Variants in SLC10A4 observed in about 807,000 individuals in gnomAD.
SLC10A4 encodes putative sodium/bile acid cotransporter 4.
A neutral mutation model predicts 22.5 loss-of-function variants in SLC10A4; 17 were observed. The ratio of observed to expected loss-of-function variants is 0.76; its 90% CI spans 0.52 to 1.14. SLC10A4 has a LOEUF of 1.14. SLC10A4 is among the 50% of genes most tolerant of loss of function. The pLI is 0.00. For missense variants in SLC10A4, 548 were observed against 584.0 expected, an observed-to-expected ratio of 0.94 and a Z score of 0.64; for synonymous variants, 257 against 258.2, an observed-to-expected ratio of 1.00 and a Z score of 0.04.
Position 48,483,378 on chromosome 4 carries a change from C to T in SLC10A4, c.-184C>T, listed in dbSNP as rs865986173. On this transcript the variant is annotated 5_prime_UTR_variant, in exon 1 of 3. Coordinates refer to ENST00000273861, the MANE Select transcript of SLC10A4 (RefSeq NM_152679.4). The surrounding 1 kb of genome is among the most constrained non-coding windows in gnomAD (Gnocchi z 5.4). ...CCGCGCTGCGCGGAGTGCCAGGCTG[C>T]GGGCGGCTGCAGACCTGGGAGCGGA... 2 of 336,642 alleles carry T rather than the reference C, an allele frequency of 5.9e-6. No homozygotes were observed. Among genetic ancestry groups the T allele is most frequent in the Middle Eastern group, 8.4e-4 (1 of 1,192 alleles). The allele number at this position is 336,642 out of a possible 1,614,324, so 20.9% of individuals were successfully genotyped here.
chr4:48,484,341 G>A lies in SLC10A4; in HGVS notation c.590+190G>A, dbSNP rs545867646. On this transcript the variant is annotated intron_variant, in intron 1 of 2. Transcript: ENST00000273861. ...GCCGACCTGCAGGTTGTGCTGCTAGGGGAGCAAGCTAGACGGCGAGGGAGC... is the reference window on the plus strand; with the variant it reads ...GCCGACCTGCAGGTTGTGCTGCTAGAGGAGCAAGCTAGACGGCGAGGGAGC... Among the ~76,000 whole-genome samples, 6 of 152,356 alleles carry A rather than the reference G, an allele frequency of 3.9e-5. No individual in the cohort carries two copies. In the South Asian group the frequency reaches 1.2e-3, roughly 32 times the overall value.
Position 48,488,650 on chromosome 4 carries a change from A to G in SLC10A4, c.1025A>G (p.Gln342Arg), listed in dbSNP as rs1335679436. ...VCLETGSQNVQLCTAILKLAF... is the reference protein window; with the variant it reads ...VCLETGSQNVRLCTAILKLAF... ...CTGGAAACAGGTAGTCAGAATGTGC[A>G]GCTCTGTACAGCCATTCTAAAACTG... The change falls in exon 3 of 3, where the codon CAG (glutamine) becomes CGG (arginine). Residue 342 changes from glutamine (Q) to arginine (R), a missense_variant. By Grantham distance (43) the Gln-to-Arg change is conservative (BLOSUM62 1). Transcript: ENST00000273861. The G allele has an allele frequency of 6.2e-7, 1 of 1,614,016 alleles. No homozygotes were observed. Among genetic ancestry groups the G allele is most frequent in the Non-Finnish European group, 8.5e-7 (1 of 1,180,034 alleles).
intron 2 of SLC10A4, among the ~76,000 whole-genome samples, chr4:48,486,078 C>T (rs1718276708): frequency 6.6e-6 from 1 of 152,054 alleles, no homozygotes; most frequent in Admixed American, 6.5e-5. Context: ...AGGCAAATTC[C>T]TTTAGACAAA....
At position 48,483,999 on chromosome 4, in the gene SLC10A4, G is replaced by C. The variant is rs943573839; in HGVS notation, c.438G>C (p.Gln146His). ...GCGCGCTGCTGGCAGCGCTCTGCCA[G>C]TTCGGCCTCCTGCCGCTGCTGGCCT... ...PVGALLAALC[Q>H]FGLLPLLAFL... The change falls in exon 1 of 3, where the codon CAG (glutamine) becomes CAC (histidine). Residue 146 changes from glutamine (Q) to histidine (H), a missense_variant. This residue lies in a region of SLC10A4 where 314 missense variants were observed against 353.2 expected (regional missense o/e 0.89). Transcript: ENST00000273861. This position sits in a 1 kb window ranked among gnomAD's most constrained non-coding sequence, Gnocchi z 5.4. 6.3e-7 allele frequency: 1 copy of C among 1,577,674 alleles called. No individual in the cohort carries two copies. The highest frequency in any genetic ancestry group is 8.6e-7 in the Non-Finnish European group (1 of 1,165,412).
chr4:48,485,050 G>A lies in SLC10A4; in HGVS notation c.709G>A (p.Val237Met), dbSNP rs1015116918. ...CGTGCAGTTACTACCCCTAGGGACC[G>A]TGACCCTGACTCTCTGCAGCACTCT... ...PIVQLLPLGT[V>M]TLTLCSTLIP... Residue 237 changes from valine (V) to methionine (M), a missense_variant, in exon 2 of 3, where the codon GTG (valine) becomes ATG (methionine). By Grantham distance (21) the Val-to-Met change is conservative. Around this residue, in one of 3 missense-constraint regions of SLC10A4, gnomAD observed 314 missense variants for 353.2 expected, o/e 0.89. Transcript: ENST00000273861. 1.7e-5 allele frequency: 28 copies of A among 1,614,068 alleles called. No homozygotes were observed. The highest frequency in any genetic ancestry group is 2.3e-5 in the Non-Finnish European group (27 of 1,180,008).
rs199931016 is a variant in SLC10A4 at position 48,488,561 on chromosome 4, C to T, written c.936C>T (p.Tyr312=). ...VIAIFMPLAG[Y]ASGYGLATLF... ...CAATTTTTATGCCTTTGGCAGGCTA[C>T]GCTTCAGGTTATGGTTTAGCTACTC... Residue 312 remains tyrosine, a synonymous_variant, in exon 3 of 3, where the codon TAC becomes TAT. Transcript: ENST00000273861. 64 of 1,613,776 alleles carry T rather than the reference C, an allele frequency of 4.0e-5. No individual in the cohort carries two copies. Among genetic ancestry groups the T allele is most frequent in the East Asian group, 4.5e-5 (2 of 44,882 alleles).
chr4:48,487,516 G>T (rs932741400), intron 2 of SLC10A4, among the ~76,000 whole-genome samples: 2 of 152,172 alleles, frequency 1.3e-5, no homozygotes, highest in African/African-American at 4.8e-5. Context: ...TCAGTTCAGG[G>T]AAAGTAAACA....
At position 48,488,658 on chromosome 4, in the gene SLC10A4, A is replaced by T; in HGVS notation, c.1033A>T (p.Thr345Ser). The T allele has an allele frequency of 6.2e-7, 1 of 1,614,116 alleles. No homozygotes were observed. The highest frequency in any genetic ancestry group is 8.5e-7 in the Non-Finnish European group (1 of 1,180,028). ...AGGTAGTCAGAATGTGCAGCTCTGTACAGCCATTCTAAAACTGGCCTTTCC... is the reference window on the plus strand; with the variant it reads ...AGGTAGTCAGAATGTGCAGCTCTGTTCAGCCATTCTAAAACTGGCCTTTCC... Reference protein sequence around the residue: ...ETGSQNVQLCTAILKLAFPPQ... With the variant: ...ETGSQNVQLCSAILKLAFPPQ... The change falls in exon 3 of 3, where the codon ACA becomes TCA. Residue 345 changes from threonine to serine, a missense_variant. Physicochemically the swap from Thr to Ser is moderately conservative, Grantham distance 58 (BLOSUM62 1). Transcript: ENST00000273861.
Position 48,483,590 on chromosome 4 carries a change from T to C in SLC10A4, c.29T>C (p.Leu10Pro), listed in dbSNP as rs1321836765. The change falls in exon 1 of 3, where the codon CTC (leucine) becomes CCC (proline). Residue 10 changes from leucine to proline, a missense_variant. This residue lies in a region of SLC10A4 where 225 missense variants were observed against 206.9 expected (regional missense o/e 1.09). Coordinates refer to ENST00000273861, the MANE Select transcript of SLC10A4 (RefSeq NM_152679.4). The surrounding 1 kb of genome is among the most constrained non-coding windows in gnomAD (Gnocchi z 5.4). ...GACGGCAACGACAACGTGACCCTGCTCTTCGCCCCTCTGCTGCGGGACAAC... is the reference window on the plus strand; with the variant it reads ...GACGGCAACGACAACGTGACCCTGCCCTTCGCCCCTCTGCTGCGGGACAAC... MDGNDNVTL[L>P]FAPLLRDNYT... is the part of the protein sequence containing the mutation. The C allele has an allele frequency of 6.6e-7, 1 of 1,505,176 alleles. No homozygotes were observed. Among genetic ancestry groups the C allele is most frequent in the Non-Finnish European group, 8.8e-7 (1 of 1,130,900 alleles). 93.2% of individuals were successfully genotyped at this position (1,505,176 alleles called of 1,614,324 possible).
rs1718253099 is a variant in SLC10A4 at position 48,484,918 on chromosome 4, TC to T, written c.591-11del. 6.2e-7 allele frequency: 1 copy of T among 1,608,302 alleles called. No individual in the cohort carries two copies. The highest frequency in any genetic ancestry group is 2.2e-5 in the East Asian group (1 of 44,780). ...AAAGCTCGTTCTGATTTCTGCACAT[TC>T]CCTTTTCTGCAGCATCATCATGACC... On this transcript the variant is annotated splice_polypyrimidine_tract_variant and intron_variant, in intron 1 of 2. Transcript: ENST00000273861.
chr4:48,489,055 A>G lies in SLC10A4; in HGVS notation c.*116A>G. The G allele has an allele frequency of 1.6e-6, 2 of 1,216,988 alleles. No individual in the cohort carries two copies. The highest frequency in any genetic ancestry group is 2.3e-6 in the Non-Finnish European group (2 of 878,310). The allele number at this position is 1,216,988 out of a possible 1,614,324, so 75.4% of individuals were successfully genotyped here. A position where few individuals can be genotyped will look rare whatever the true frequency, so the allele number is the denominator to read the frequency against. Reference sequence around the variant, plus strand: ...CACTGGTTCACATCATACATGTAACAATTCTGATCTTTTTAAGGTTCACTG... The same window carrying G: ...CACTGGTTCACATCATACATGTAACGATTCTGATCTTTTTAAGGTTCACTG... On this transcript the variant is annotated 3_prime_UTR_variant, in exon 3 of 3. Coordinates refer to ENST00000273861, the MANE Select transcript of SLC10A4 (RefSeq NM_152679.4).
In SLC10A4 at chr4:48,483,830, C is replaced by T. The variant is rs761727427; in HGVS notation, c.269C>T (p.Ala90Val). 7.2e-6 allele frequency: 11 copies of T among 1,533,722 alleles called. No individual in the cohort carries two copies. The African/African-American group carries it at 8.3e-5, about 12-fold the overall frequency. The stretch of plus-strand genomic sequence containing the variant: ...CCTTCCCCGTTCCCTCGGCCCTGGG[C>T]GCCCCACGCGCTCCCGTTCTGGGAC... ...HGPSPFPRPW[A>V]PHALPFWDTP... Residue 90 changes from alanine to valine, a missense_variant, in exon 1 of 3, where the codon GCG becomes GTG. Physicochemically the swap from Ala to Val is moderately conservative, Grantham distance 64. Coordinates refer to ENST00000273861, the MANE Select transcript of SLC10A4 (RefSeq NM_152679.4). This position sits in a 1 kb window ranked among gnomAD's most constrained non-coding sequence, Gnocchi z 5.4.
At chr4:48,488,379 T>C in intron 2 of SLC10A4, 48 bp from the exon 3 acceptor site, 1 of 1,505,270 alleles carries the variant, frequency 6.6e-7, no homozygotes, top group Non-Finnish European at 8.9e-7. Context: ...TAGGATTCTC[T>C]CGCCTGAGTT....
intron 2 of SLC10A4, 54 bp downstream of exon 2, chr4:48,485,196 C>T (rs565391786): frequency 1.9e-6 from 3 of 1,544,060 alleles, no homozygotes; most frequent in Non-Finnish European, 2.7e-6. Context: ...TGATCTCTGA[C>T]CCACAGCAGA....
chr4:48,483,508 A>C lies in SLC10A4; in HGVS notation c.-54A>C, dbSNP rs1308665864. 1.4e-6 allele frequency: 2 copies of C among 1,401,992 alleles called. No individual in the cohort carries two copies. The allele number at this position is 1,401,992 out of a possible 1,614,324, so 86.8% of individuals were successfully genotyped here. A position where few individuals can be genotyped will look rare whatever the true frequency, so the allele number is the denominator to read the frequency against. ...GGGCGGCGACTGCGGCGACCGCGGG[A>C]CGGCGAGAGGCACGCGGCGGGAGGG... On this transcript the variant is annotated 5_prime_UTR_variant, in exon 1 of 3. Transcript: ENST00000273861. The surrounding 1 kb of genome is among the most constrained non-coding windows in gnomAD (Gnocchi z 5.4).
intron 2 of SLC10A4, among the ~76,000 whole-genome samples, chr4:48,487,174 G>A (rs531231281): frequency 1.5e-4 from 23 of 152,292 alleles, no homozygotes; most frequent in African/African-American, 5.5e-4. Context: ...AAGATGACAC[G>A]TTTTATACAG....
chr4:48,487,173 C>T (rs1202438909), intron 2 of SLC10A4, among the ~76,000 whole-genome samples: 15 of 152,150 alleles, frequency 9.9e-5, no homozygotes, highest in Admixed American at 3.9e-4. Flanking sequence ...CAAGATGACA[C>T]GTTTTATACA....
intron 1 of SLC10A4, among the ~76,000 whole-genome samples, chr4:48,484,630 G>C (rs562223488): frequency 6.6e-6 from 1 of 152,180 alleles, no homozygotes; most frequent in Non-Finnish European, 1.5e-5. Flanking sequence ...ACCTTGCAGG[G>C]GGCTTGCAAG....
In SLC10A4 at chr4:48,485,023, A is replaced by G. The variant is rs1718256845; in HGVS notation, c.682A>G (p.Ile228Val). The G allele has an allele frequency of 1.9e-6, 3 of 1,613,968 alleles. No individual in the cohort carries two copies. The highest frequency in any genetic ancestry group is 2.5e-6 in the Non-Finnish European group (3 of 1,179,974). Residue 228 changes from isoleucine (I) to valine (V), a missense_variant, in exon 2 of 3, where the codon ATC (isoleucine) becomes GTC (valine). Physicochemically the swap from Ile to Val is conservative, Grantham distance 29 (BLOSUM62 3). This residue lies in a region of SLC10A4 where 314 missense variants were observed against 353.2 expected (regional missense o/e 0.89). Coordinates refer to ENST00000273861, the MANE Select transcript of SLC10A4 (RefSeq NM_152679.4). ...CAGCTGGGCTTGGATCAACACCCCT[A>G]TCGTGCAGTTACTACCCCTAGGGAC... The part of the protein sequence containing the change: ...IYSWAWINTP[I>V]VQLLPLGTVT...
Sources: gnomAD v4.1 joint callset for allele counts (sites outside exome capture counted in the v4.1 genomes callset) on GRCh38, gnomAD v4.1.1 for gene constraint, gnomAD v4.1.1 regional missense constraint, Gnocchi (gnomAD v3.1) non-coding constraint, MANE v1.5 for transcripts, NCBI Gene and HGNC (gene_info 2026-07-23, HGNC 2026-07-21) for gene names.